Variants in TPH2 observed in about 807,000 individuals in gnomAD.
TPH2 encodes the protein tryptophan hydroxylase 2, also known as tryptophan 5-hydroxylase 2.
In TPH2, 27 loss-of-function variants were observed where a neutral mutation model predicts 59.1. The observed-to-expected ratio is 0.46, with a 90% CI of 0.34 to 0.63. The LOEUF (loss-of-function observed/expected upper bound fraction) is 0.63, where lower values mean the gene tolerates loss of function less well. TPH2 is among the 30% of genes least tolerant of loss of function. The probability of loss-of-function intolerance (pLI) is 0.01; values close to 1 mark genes in which losing one functional copy is unlikely to be tolerated. For synonymous variants in TPH2, 220 were observed against 210.5 expected (o/e 1.05, Z -0.39); for missense variants, 523 against 588.3 (o/e 0.89, Z 1.15).
chr12:71,978,994 G>C lies in TPH2; in HGVS notation c.848G>C (p.Ser283Thr), dbSNP rs1481357625. Residue 283 changes from serine (S) to threonine (T), a missense_variant, in exon 7 of 11, where the codon AGC (serine) becomes ACC (threonine). Physicochemically the swap from Ser to Thr is moderately conservative, Grantham distance 58. Transcript: ENST00000333850. ...GTGAGGCCGGTGGCTGGATACCTGA[G>C]CCCACGAGACTTTCTGGCAGGACTG... ...FTVRPVAGYL[S>T]PRDFLAGLAY... 1 of 1,613,974 alleles carries C rather than the reference G, an allele frequency of 6.2e-7. No individual in the cohort carries two copies. The highest frequency in any genetic ancestry group is 1.3e-5 in the African/African-American group (1 of 74,892).
At chr12:72,014,638 G>T (rs996318575) in intron 8 of TPH2, among the ~76,000 whole-genome samples, 1 of 152,042 alleles carries the variant, frequency 6.6e-6, no homozygotes, top group African/African-American at 2.4e-5. Context: ...TGATCTACCC[G>T]CCTTGGCCTC....
At chr12:72,018,565 T>C (rs1159125604) in intron 8 of TPH2, among the ~76,000 whole-genome samples, 4 of 152,156 alleles carry the variant, frequency 2.6e-5, no homozygotes, top group African/African-American at 9.7e-5. Flanking sequence ...ATTAAACATG[T>C]GCTTAATAGG....
At chr12:71,961,059 T>C (rs1871666382) in intron 5 of TPH2, among the ~76,000 whole-genome samples, 1 of 152,152 alleles carries the variant, frequency 6.6e-6, no homozygotes, top group South Asian at 2.1e-4. Flanking sequence ...TTTCCCTCAG[T>C]TTCGAATGAG....
intron 9 of TPH2, among the ~76,000 whole-genome samples, chr12:72,026,540 G>T (rs141228339): frequency 1.3e-5 from 2 of 152,306 alleles, no homozygotes; most frequent in East Asian, 3.9e-4. Flanking sequence ...GATGTCATCT[G>T]TTTGGTCAAT....
intron 2 of TPH2, among the ~76,000 whole-genome samples, chr12:71,942,418 C>T (rs780641747): frequency 4.6e-5 from 7 of 152,108 alleles, no homozygotes; most frequent in Admixed American, 6.6e-5. Flanking sequence ...CAGCAAACAC[C>T]CTCCCTTACA....
chr12:72,030,266 T>C (rs1182325915), intron 9 of TPH2, among the ~76,000 whole-genome samples: 1 of 152,204 alleles, frequency 6.6e-6, no homozygotes, highest in Non-Finnish European at 1.5e-5. Flanking sequence ...CAACCACTTA[T>C]ATTGGAGTCA....
At chr12:72,021,369 GTGTGTGTGT>G (rs1388295931) in intron 8 of TPH2, among the ~76,000 whole-genome samples, 25 of 146,334 alleles carry the variant, frequency 1.7e-4, no homozygotes, top group Non-Finnish European at 3.0e-4. Flanking sequence ...GTGTGTGTGT[GTGTGTGTGT>G]GTGTGTGTGT....
rs35425528 is a variant in TPH2 at position 71,957,327 on chromosome 12, ATTTTTTTT to A, written c.608+7689_608+7696del. 2.7e-3 allele frequency among the ~76,000 whole-genome samples: 258 copies of A among 95,602 alleles called. 1 individual carries two copies. Among genetic ancestry groups the A allele is most frequent in the African/African-American group, 9.4e-3 (226 of 24,082 alleles). 62.7% of individuals were successfully genotyped at this position (95,602 alleles called of 152,430 possible). ...TAGGCTCATTTAAAATGAGTAAAGG[ATTTTTTTT>A]TTTTTTTTTTTTTTTTGTGAGACAG... On this transcript the variant is annotated intron_variant, in intron 5 of 10. Coordinates refer to ENST00000333850, the MANE Select transcript of TPH2 (RefSeq NM_173353.4).
chr12:72,010,731 G>C (rs1350448256), intron 8 of TPH2, among the ~76,000 whole-genome samples: 1 of 152,114 alleles, frequency 6.6e-6, no homozygotes, highest in Non-Finnish European at 1.5e-5. Flanking sequence ...CCCTCTAAAA[G>C]GCAGTGGTGA....
At chr12:71,970,813 A>T (rs1871951928) in intron 5 of TPH2, among the ~76,000 whole-genome samples, 1 of 152,244 alleles carries the variant, frequency 6.6e-6, no homozygotes, top group Admixed American at 6.5e-5. Context: ...CCAAATTTAA[A>T]CAAGGCTAAT....
At position 71,978,968 on chromosome 12, in the gene TPH2, G is replaced by C; in HGVS notation, c.822G>C (p.Thr274=). 6.2e-7 allele frequency: 1 copy of C among 1,614,058 alleles called. No individual in the cohort carries two copies. Among genetic ancestry groups the C allele is most frequent in the Non-Finnish European group, 8.5e-7 (1 of 1,179,988 alleles). ...CCTTTTTAGAAAGGTCTGGCTTCAC[G>C]GTGAGGCCGGTGGCTGGATACCTGA... is the stretch of plus-strand genomic sequence containing the variant. The part of the protein sequence containing the change: ...SMFLKERSGF[T]VRPVAGYLSP... The change falls in exon 7 of 11, where the codon ACG becomes ACC. Residue 274 remains threonine (T), a synonymous_variant. Transcript: ENST00000333850.
chr12:71,949,152 T>A (rs1245174816), intron 4 of TPH2, among the ~76,000 whole-genome samples: 1 of 152,222 alleles, frequency 6.6e-6, no homozygotes, highest in Admixed American at 6.5e-5. Flanking sequence ...GAATTTATAA[T>A]AAATGTCACA....
At chr12:71,939,329 A>T (rs1870989688) in intron 1 of TPH2, among the ~76,000 whole-genome samples, 1 of 150,210 alleles carries the variant, frequency 6.7e-6, no homozygotes, top group African/African-American at 2.5e-5. Flanking sequence ...TTGTAAGTAG[A>T]GAGTTAAGAA....
At chr12:72,018,118 G>C (rs772379642) in intron 8 of TPH2, among the ~76,000 whole-genome samples, 1 of 152,108 alleles carries the variant, frequency 6.6e-6, no homozygotes, top group Non-Finnish European at 1.5e-5. Flanking sequence ...AAACAGAATG[G>C]GCTGTAGAAA....
intron 8 of TPH2, among the ~76,000 whole-genome samples, chr12:71,996,665 T>C (rs953124024): frequency 6.6e-6 from 1 of 150,934 alleles, no homozygotes; most frequent in East Asian, 1.9e-4. Flanking sequence ...GTGGAGCTGA[T>C]GTGTGTGTGT....
At chr12:71,968,120 C>A (rs1323836557) in intron 5 of TPH2, among the ~76,000 whole-genome samples, 1 of 152,162 alleles carries the variant, frequency 6.6e-6, no homozygotes, top group Admixed American at 6.5e-5. Flanking sequence ...AGGCCACACT[C>A]ACCCTGGTTC....
chr12:71,998,816 A>G (rs1872754273), intron 8 of TPH2, among the ~76,000 whole-genome samples: 1 of 152,202 alleles, frequency 6.6e-6, no homozygotes, highest in Non-Finnish European at 1.5e-5. Flanking sequence ...AGATGCACCA[A>G]AGGAGAAAAA....
intron 5 of TPH2, among the ~76,000 whole-genome samples, chr12:71,955,867 T>C (rs549039496): frequency 6.6e-6 from 1 of 152,244 alleles, no homozygotes; most frequent in South Asian, 2.1e-4. Context: ...TTTTACACTA[T>C]ATTAGTTATT....
chr12:72,026,623 T>C (rs1350749962), intron 9 of TPH2, among the ~76,000 whole-genome samples: 2 of 152,172 alleles, frequency 1.3e-5, no homozygotes, highest in African/African-American at 4.8e-5. Context: ...TTCGAGTCCC[T>C]TCCTCCTGCT....
Sources: gnomAD v4.1 joint callset for allele counts (sites outside exome capture counted in the v4.1 genomes callset) on GRCh38, gnomAD v4.1.1 for gene constraint, MANE v1.5 for transcripts, NCBI Gene and HGNC (gene_info 2026-07-23, HGNC 2026-07-21) for gene names.